Variants in PLA2G7 observed in about 807,000 individuals in gnomAD.
PLA2G7 encodes the protein platelet-activating factor acetylhydrolase.
Under a neutral mutation model 49.6 loss-of-function variants are expected in PLA2G7, and 63 were observed. That is an observed-to-expected ratio of 1.27 (90% CI 1.04 to 1.57). The LOEUF (loss-of-function observed/expected upper bound fraction) is 1.57. PLA2G7 is among the 40% of genes most tolerant of loss of function. PLA2G7 has a pLI of 0.00. For missense variants in PLA2G7, 596 were observed against 521.2 expected (o/e 1.14, Z -1.40); for synonymous variants, 193 against 169.9 (o/e 1.14, Z -1.06).
chr6:46,720,768 C>T (rs975593424), intron 2 of PLA2G7, among the ~76,000 whole-genome samples: 1 of 152,148 alleles, frequency 6.6e-6, no homozygotes, highest in Non-Finnish European at 1.5e-5. Flanking sequence ...AATTTTATTA[C>T]ATATTTTTGG....
intron 1 of PLA2G7, among the ~76,000 whole-genome samples, chr6:46,729,347 C>T (rs1467666019): frequency 6.6e-6 from 1 of 152,114 alleles, no homozygotes; most frequent in Non-Finnish European, 1.5e-5. Flanking sequence ...CTAAAACATC[C>T]AAATGCACTA....
chr6:46,708,225 T>G, intron 9 of PLA2G7, 64 bp from the exon 10 acceptor site: 1 of 1,222,376 alleles, frequency 8.2e-7, no homozygotes, highest in Non-Finnish European at 1.2e-6. Context: ...ATTGAGGACA[T>G]CCTAATAATG....
Position 46,716,505 on chromosome 6 carries a change from A to G in PLA2G7, c.255T>C (p.Tyr85=), listed in dbSNP as rs1765207110. The G allele has an allele frequency of 6.2e-7, 1 of 1,613,910 alleles. No individual in the cohort carries two copies. Among genetic ancestry groups the G allele is most frequent in the East Asian group, 2.2e-5 (1 of 44,856 alleles). The change falls in exon 4 of 12, where the codon TAT becomes TAC. Residue 85 remains tyrosine (Y), a synonymous_variant. Transcript: ENST00000274793. ...CAAGGCGATCATTATCTTGGGATGG[A>G]TAATATAAACGCAAGAAGGTGCCCT... ...TNKGTFLRLY[Y]PSQDNDRLDT...
chr6:46,711,748 T>C, intron 6 of PLA2G7, 129 bp from the exon 7 acceptor site: 1 of 944,618 alleles, frequency 1.1e-6, no homozygotes, highest in Non-Finnish European at 1.7e-6. Flanking sequence ...CCACTCTATA[T>C]TTTCTCTTAA....
chr6:46,731,255 G>A (rs1765726966), intron 1 of PLA2G7, among the ~76,000 whole-genome samples: 1 of 152,146 alleles, frequency 6.6e-6, no homozygotes, highest in African/African-American at 2.4e-5. Flanking sequence ...ATAAACGAGA[G>A]AAAATTCAAG....
chr6:46,716,721 G>A (rs1765213906), intron 3 of PLA2G7, among the ~76,000 whole-genome samples, 193 bp from the exon 4 acceptor site: 1 of 152,150 alleles, frequency 6.6e-6, no homozygotes, highest in South Asian at 2.1e-4. Context: ...TTCTATCTCA[G>A]TGAAAGGAAA....
intron 2 of PLA2G7, among the ~76,000 whole-genome samples, chr6:46,720,077 T>G (rs1173010661): frequency 6.6e-6 from 1 of 152,168 alleles, no homozygotes; most frequent in Non-Finnish European, 1.5e-5. Flanking sequence ...GACACCTGCT[T>G]CTTCTTCTGT....
chr6:46,734,219 G>A (rs1010451058), intron 1 of PLA2G7, among the ~76,000 whole-genome samples: 1 of 152,032 alleles, frequency 6.6e-6, no homozygotes, highest in Non-Finnish European at 1.5e-5. Context: ...GGCCGGCAGG[G>A]GGATGCTCCA....
chr6:46,725,432 A>G (rs1294812507), intron 1 of PLA2G7, among the ~76,000 whole-genome samples: 3 of 151,994 alleles, frequency 2.0e-5, no homozygotes, highest in Non-Finnish European at 2.9e-5. Context: ...GGGTTTCACC[A>G]TGTTGGCCAG....
chr6:46,723,124 T>C (rs1480132464), intron 1 of PLA2G7, among the ~76,000 whole-genome samples, 199 bp from the exon 2 acceptor site: 1 of 152,200 alleles, frequency 6.6e-6, no homozygotes, highest in Non-Finnish European at 1.5e-5. Flanking sequence ...TTACTAAGGA[T>C]TACATTGGAT....
At chr6:46,706,784 C>T (rs1312495624) in intron 10 of PLA2G7, among the ~76,000 whole-genome samples, 1 of 152,120 alleles carries the variant, frequency 6.6e-6, no homozygotes, top group Admixed American at 6.6e-5. Context: ...GTATTATTTC[C>T]GTTTTAGAAT....
In PLA2G7 at chr6:46,716,495, C is replaced by T. The variant is rs1210877518; in HGVS notation, c.265G>A (p.Asp89Asn). Residue 89 changes from aspartate (D) to asparagine (N), a missense_variant, in exon 4 of 12, where the codon GAT becomes AAT. Transcript: ENST00000274793. The part of the protein sequence containing the change: ...TFLRLYYPSQ[D>N]NDRLDTLWIP... ...CAAAGGGTGTCAAGGCGATCATTAT[C>T]TTGGGATGGATAATATAAACGCAAG... The T allele has an allele frequency of 3.7e-6, 6 of 1,613,934 alleles. No homozygotes were observed. The highest frequency in any genetic ancestry group is 5.1e-6 in the Non-Finnish European group (6 of 1,179,872).
At chr6:46,733,641 G>A (rs998137967) in intron 1 of PLA2G7, among the ~76,000 whole-genome samples, 4 of 152,234 alleles carry the variant, frequency 2.6e-5, no homozygotes, top group African/African-American at 7.2e-5. Flanking sequence ...TGCCAAGGTG[G>A]TGCGCTGTCT....
chr6:46,710,413 G>A, intron 8 of PLA2G7, 132 bp downstream of exon 8: 1 of 694,254 alleles, frequency 1.4e-6, no homozygotes, highest in South Asian at 1.5e-5. Flanking sequence ...TTGTGTGTCT[G>A]TGTGTGCGCA....
At position 46,705,206 on chromosome 6, in the gene PLA2G7, A is replaced by T. The variant is rs1051931; in HGVS notation, c.1136T>A (p.Val379Glu). 1 of 1,608,182 alleles carries T rather than the reference A, an allele frequency of 6.2e-7. No individual in the cohort carries two copies. The highest frequency in any genetic ancestry group is 1.7e-4 in the Middle Eastern group (1 of 6,032). ...LKLKGDIDSN[V>E]AIDLSNKASL... Reference sequence around the variant, plus strand: ...AGCTTTGTTGCTAAGATCAATAGCTACATTTGAATCTATGTCTCCCTTTAA... The same window carrying T: ...AGCTTTGTTGCTAAGATCAATAGCTTCATTTGAATCTATGTCTCCCTTTAA... Residue 379 changes from valine to glutamate, a missense_variant, in exon 11 of 12, where the codon GTA becomes GAA. Transcript: ENST00000274793.
At chr6:46,704,776 G>C in intron 11 of PLA2G7, 80 bp from the exon 12 acceptor site, 1 of 868,678 alleles carries the variant, frequency 1.2e-6, no homozygotes, top group Non-Finnish European at 1.9e-6. Flanking sequence ...TGGCAATAAA[G>C]ATTTACAAAT....
Position 46,704,472 on chromosome 6 carries a change from T to TCA in PLA2G7, c.*87_*88insTG, listed in dbSNP as rs1270241041. The TCA allele has an allele frequency of 1.0e-5, 1 of 95,248 alleles. No individual in the cohort carries two copies. Among genetic ancestry groups the TCA allele is most frequent in the African/African-American group, 1.4e-4 (1 of 7,324 alleles). 5.9% of individuals were successfully genotyped at this position (95,248 alleles called of 1,614,324 possible). Reference sequence around the variant, plus strand: ...CTCTCTCTCTCTCTCTCTCTCTCTCTCTCTCTCACACACACACACACACAC... The same window carrying TCA: ...CTCTCTCTCTCTCTCTCTCTCTCTCTCACTCTCTCACACACACACACACACAC... On this transcript the variant is annotated 3_prime_UTR_variant, in exon 12 of 12. Coordinates refer to ENST00000274793, the MANE Select transcript of PLA2G7 (RefSeq NM_005084.4).
At position 46,731,479 on chromosome 6, in the gene PLA2G7, A is replaced by G. The variant is rs45462699; in HGVS notation, c.-35+3701T>C. Among the ~76,000 whole-genome samples the G allele has an allele frequency of 7.9e-3, 1,203 of 152,218 alleles. 20 individuals are homozygous for G. The highest frequency in any genetic ancestry group is 0.027 in the African/African-American group (1,113 of 41,530). On this transcript the variant is annotated intron_variant, in intron 1 of 11. Coordinates refer to ENST00000274793, the MANE Select transcript of PLA2G7 (RefSeq NM_005084.4). ...CCAGCTTTAATTATTCTATTTTTGA[A>G]TTTTTATCTGACCATATTCAACTTT...
rs1449485073 is a variant in PLA2G7 at position 46,704,538 on chromosome 6, T to C, written c.*22A>G. On this transcript the variant is annotated 3_prime_UTR_variant, in exon 12 of 12. Coordinates refer to ENST00000274793, the MANE Select transcript of PLA2G7 (RefSeq NM_005084.4). ...ATTTTAGACAGTTTTGAAACAAGACTTTTAAAAAACCTATTTTAATCCTAA... is the reference window on the plus strand; with the variant it reads ...ATTTTAGACAGTTTTGAAACAAGACCTTTAAAAAACCTATTTTAATCCTAA... The C allele has an allele frequency of 7.0e-7, 1 of 1,434,658 alleles. No homozygotes were observed. Among genetic ancestry groups the C allele is most frequent in the Non-Finnish European group, 9.8e-7 (1 of 1,023,284 alleles). The allele number at this position is 1,434,658 out of a possible 1,614,324, so 88.9% of individuals were successfully genotyped here. A position where few individuals can be genotyped will look rare whatever the true frequency, so the allele number is the denominator to read the frequency against.
Sources: allele counts gnomAD v4.1 joint callset (sites outside exome capture counted in the v4.1 genomes callset), GRCh38; gene constraint gnomAD v4.1.1; transcripts MANE v1.5; gene names NCBI Gene and HGNC (gene_info 2026-07-23, HGNC 2026-07-21).